EZH2: variants seen among roughly 807,000 people sequenced by gnomAD.
EZH2 encodes enhancer of zeste 2 polycomb repressive complex 2 subunit, also known as histone-lysine N-methyltransferase EZH2.
In EZH2, 18 loss-of-function variants were observed where a neutral mutation model predicts 98.4. The ratio of observed to expected loss-of-function variants is 0.18; its 90% CI spans 0.13 to 0.27. EZH2 has a LOEUF of 0.27. Among genes scored for constraint, EZH2 ranks in the 10% least tolerant of loss-of-function variants. The pLI is 1.00. For missense variants in EZH2, 470 were observed against 935.1 expected, an observed-to-expected ratio of 0.50 and a Z score of 6.49; for synonymous variants, 338 against 312.3, an observed-to-expected ratio of 1.08 and a Z score of -0.87.
chr7:148,859,845 G>A (rs1419247963), intron 1 of EZH2, among the ~76,000 whole-genome samples: 1 of 152,198 alleles, frequency 6.6e-6, no homozygotes, highest in Non-Finnish European at 1.5e-5. Context: ...CAGCTTTACA[G>A]AATTTTGATC....
intron 11 of EZH2, 125 bp from the exon 12 acceptor site, chr7:148,816,903 A>G: frequency 1.4e-6 from 1 of 711,188 alleles, no homozygotes; most frequent in South Asian, 1.6e-5. Context: ...TGGGGATATA[A>G]CACACATCGC....
At chr7:148,849,884 C>G (rs1335578330) in intron 1 of EZH2, among the ~76,000 whole-genome samples, 2 of 152,224 alleles carry the variant, frequency 1.3e-5, no homozygotes, top group Non-Finnish European at 2.9e-5. Flanking sequence ...TCTGTAGCCT[C>G]ATTCGCTCAT....
chr7:148,816,443 A>G (rs2129471040), intron 12 of EZH2, among the ~76,000 whole-genome samples: 1 of 152,362 alleles, frequency 6.6e-6, no homozygotes, highest in African/African-American at 2.4e-5. Context: ...ACCCAAATGC[A>G]GTCTGGTAAC....
intron 1 of EZH2, among the ~76,000 whole-genome samples, chr7:148,870,522 C>A (rs141533325): frequency 1.3e-5 from 2 of 151,580 alleles, no homozygotes; most frequent in African/African-American, 4.9e-5. Flanking sequence ...GGCAACATGG[C>A]GAAACCCCAT....
At chr7:148,814,615 T>C (rs1478078031) in intron 14 of EZH2, among the ~76,000 whole-genome samples, 1 of 152,198 alleles carries the variant, frequency 6.6e-6, no homozygotes, top group Non-Finnish European at 1.5e-5. Context: ...TAGATTCCTC[T>C]TACAATCTGT....
intron 3 of EZH2, among the ~76,000 whole-genome samples, chr7:148,841,062 T>A (rs1335076681): frequency 6.6e-6 from 1 of 152,134 alleles, no homozygotes; most frequent in African/African-American, 2.4e-5. Flanking sequence ...TTGCCTAAAT[T>A]TGACTTTTTA....
intron 18 of EZH2, 41 bp from the exon 19 acceptor site, chr7:148,809,196 G>A: frequency 6.3e-7 from 1 of 1,595,482 alleles, no homozygotes; most frequent in Non-Finnish European, 8.6e-7. Flanking sequence ...ATGAAGACGG[G>A]CCACGGGGGG....
rs180789327 is a variant in EZH2, at chr7:148,846,219, T to A, written c.246+251A>T. On this transcript the variant is annotated intron_variant, in intron 3 of 19. Transcript: ENST00000320356. ...TATTTGATTTAAAAGCTTTTTTTTT[T>A]AAATCAACATTCTTATAAAATCTAG... is the stretch of plus-strand genomic sequence containing the variant. Among the ~76,000 whole-genome samples, 394 of 152,146 alleles carry A rather than the reference T, an allele frequency of 2.6e-3. 1 individual carries two copies. Among genetic ancestry groups the A allele is most frequent in the African/African-American group, 8.6e-3 (359 of 41,540 alleles).
chr7:148,811,768 G>A (rs2129469125), intron 15 of EZH2, 48 bp from the exon 16 acceptor site: 1 of 1,484,188 alleles, frequency 6.7e-7, no homozygotes. Context: ...GGGTGAAAAT[G>A]GACTGGGGAC....
chr7:148,829,054 G>A (rs1437388824), intron 5 of EZH2, among the ~76,000 whole-genome samples, 174 bp from the exon 6 acceptor site: 1 of 152,092 alleles, frequency 6.6e-6, no homozygotes, highest in African/African-American at 2.4e-5. Flanking sequence ...GTTAGGCAAA[G>A]GAAGCAAACT....
intron 1 of EZH2, among the ~76,000 whole-genome samples, chr7:148,851,920 G>A (rs1317324133): frequency 6.6e-6 from 1 of 152,182 alleles, no homozygotes; most frequent in African/African-American, 2.4e-5. Context: ...TATATTGGCA[G>A]AAGCCTTTAT....
intron 8 of EZH2, chr7:148,821,202 CT>C (rs2129473042): frequency 6.6e-6 from 1 of 152,012 alleles, no homozygotes; most frequent in Admixed American, 6.5e-5. Flanking sequence ...AATTACACAG[CT>C]GGAAAACTCC....
At chr7:148,874,997 T>G (rs375664616) in intron 1 of EZH2, among the ~76,000 whole-genome samples, 16 of 152,178 alleles carry the variant, frequency 1.1e-4, no homozygotes, top group Non-Finnish European at 1.9e-4. Flanking sequence ...AGGTCACTTT[T>G]TACTTTTAAT....
At chr7:148,872,864 A>ACATCTT (rs1023651278) in intron 1 of EZH2, among the ~76,000 whole-genome samples, 1 of 151,950 alleles carries the variant, frequency 6.6e-6, no homozygotes, top group Admixed American at 6.6e-5. Context: ...CTTCCTGAAG[A>ACATCTT]CATCTTGATA....
intron 8 of EZH2, among the ~76,000 whole-genome samples, chr7:148,825,208 C>T (rs546902502): frequency 6.6e-6 from 1 of 152,118 alleles, no homozygotes; most frequent in Admixed American, 6.5e-5. Context: ...CGATGTAATT[C>T]ATAAATTCAT....
intron 19 of EZH2, among the ~76,000 whole-genome samples, chr7:148,807,985 C>G (rs896569728): frequency 1.1e-4 from 17 of 152,206 alleles, no homozygotes; most frequent in Non-Finnish European, 2.2e-4. Flanking sequence ...ACCAGCCTCC[C>G]CTATGCCTCT....
chr7:148,852,302 GA>G (rs1363463852), intron 1 of EZH2, among the ~76,000 whole-genome samples: 3 of 152,282 alleles, frequency 2.0e-5, no homozygotes, highest in East Asian at 3.9e-4. Context: ...GAAATACCCT[GA>G]ACACCATGCC....
At chr7:148,808,897 T>C (rs1346899190) in intron 19 of EZH2, among the ~76,000 whole-genome samples, 174 bp downstream of exon 19, 2 of 152,176 alleles carry the variant, frequency 1.3e-5, no homozygotes, top group Non-Finnish European at 2.9e-5. Flanking sequence ...CCTTGTATAA[T>C]ATATAAATGG....
intron 1 of EZH2, among the ~76,000 whole-genome samples, chr7:148,848,138 C>T (rs1405441925): frequency 6.6e-6 from 1 of 152,196 alleles, no homozygotes; most frequent in East Asian, 1.9e-4. Context: ...ATTAGCAGGA[C>T]ATTCTCTGTC....
Sources: gnomAD v4.1 joint callset for allele counts (sites outside exome capture counted in the v4.1 genomes callset) on GRCh38, gnomAD v4.1.1 for gene constraint, MANE v1.5 for transcripts, NCBI Gene and HGNC (gene_info 2026-07-23, HGNC 2026-07-21) for gene names.